CTNNA2: variants seen among roughly 807,000 people sequenced by gnomAD.
CTNNA2 encodes the protein catenin alpha-2.
Under a neutral mutation model 101.0 loss-of-function variants are expected in CTNNA2, and 42 were observed. The ratio of observed to expected loss-of-function variants is 0.42; its 90% CI spans 0.32 to 0.54. The LOEUF (loss-of-function observed/expected upper bound fraction) is 0.54. CTNNA2 is among the 20% of genes least tolerant of loss of function. The pLI, the probability that CTNNA2 is intolerant of heterozygous loss-of-function variation, is 0.14. For synonymous variants in CTNNA2, 450 were observed against 456.4 expected, an observed-to-expected ratio of 0.99 and a Z score of 0.18; for missense variants, 871 against 1,223.1, an observed-to-expected ratio of 0.71 and a Z score of 4.29.
chr2:80,328,939 T>C (rs1671071201), intron 7 of CTNNA2, among the ~76,000 whole-genome samples: 1 of 152,212 alleles, frequency 6.6e-6, no homozygotes, highest in Non-Finnish European at 1.5e-5. Flanking sequence ...GGTTTCTATA[T>C]ATGTTCCATT....
intron 7 of CTNNA2, among the ~76,000 whole-genome samples, chr2:80,109,355 G>A (rs1049322338): frequency 6.6e-5 from 10 of 152,154 alleles, no homozygotes; most frequent in Admixed American, 6.5e-4. Flanking sequence ...CAGCTACTTG[G>A]GAGGCTGAGG....
chr2:79,568,625 G>GAAAGA (rs1027507819), intron 1 of CTNNA2, among the ~76,000 whole-genome samples: 2 of 151,546 alleles, frequency 1.3e-5, no homozygotes, highest in Non-Finnish European at 2.9e-5. Context: ...AAAAGAAAAG[G>GAAAGA]AAAGAAAAGA....
chr2:79,790,904 T>C lies in CTNNA2; in HGVS notation c.298+46322T>C, dbSNP rs1675220289. Among the ~76,000 whole-genome samples the C allele has an allele frequency of 3.3e-5, 5 of 152,312 alleles. No homozygotes were observed. In the South Asian group the frequency reaches 1.0e-3, roughly 32 times the overall value. Reference sequence around the variant, plus strand: ...TTTCACCTGGCTTATTCCTCAGAAGTAGAAATTATGAACCATTTTGCAGAT... The same window carrying C: ...TTTCACCTGGCTTATTCCTCAGAAGCAGAAATTATGAACCATTTTGCAGAT... On this transcript the variant is annotated intron_variant, in intron 3 of 18. Coordinates refer to ENST00000402739, the MANE Select transcript of CTNNA2 (RefSeq NM_001282597.3).
At chr2:80,610,106 A>G (rs1436840492) in intron 17 of CTNNA2, among the ~76,000 whole-genome samples, 1 of 151,682 alleles carries the variant, frequency 6.6e-6, no homozygotes, top group East Asian at 2.0e-4. Context: ...AATTATTCTG[A>G]GGCAAATGCA....
chr2:79,816,751 T>G (rs988153795), intron 3 of CTNNA2, among the ~76,000 whole-genome samples: 2 of 152,218 alleles, frequency 1.3e-5, no homozygotes, highest in Non-Finnish European at 2.9e-5. Context: ...CAGACACTAT[T>G]CTAAGTACTC....
At chr2:79,262,450 C>CATT (rs1490475572) in intron 2 of CTNNA2, among the ~76,000 whole-genome samples, 8 of 151,544 alleles carry the variant, frequency 5.3e-5, no homozygotes, top group African/African-American at 1.9e-4. Context: ...ATTTCAAATC[C>CATT]TAAAAAATAT....
intron 15 of CTNNA2, among the ~76,000 whole-genome samples, chr2:80,592,684 G>T (rs1055967608): frequency 1.3e-5 from 2 of 150,936 alleles, no homozygotes; most frequent in East Asian, 3.9e-4. Context: ...TTTATGGTTC[G>T]ATACATTTGC....
chr2:79,863,797 G>A lies in CTNNA2; in HGVS notation c.465+5618G>A, dbSNP rs115720810. On this transcript the variant is annotated intron_variant, in intron 4 of 18. Coordinates refer to ENST00000402739, the MANE Select transcript of CTNNA2 (RefSeq NM_001282597.3). ...TGGAGGGTGTGGCCTTGGGTCACTT[G>A]ATGACAAAGGAGTCACTAAGGTGCC... is the stretch of plus-strand genomic sequence containing the variant. Among the ~76,000 whole-genome samples the A allele has an allele frequency of 4.8e-3, 728 of 152,242 alleles. 8 individuals are homozygous for A. The highest frequency in any genetic ancestry group is 0.017 in the African/African-American group (696 of 41,526).
At chr2:79,297,717 T>G (rs1394445688) in intron 2 of CTNNA2, among the ~76,000 whole-genome samples, 1 of 152,196 alleles carries the variant, frequency 6.6e-6, no homozygotes, top group Admixed American at 6.5e-5. Context: ...ACTCATTGCT[T>G]TAACTCTATC....
intron 7 of CTNNA2, among the ~76,000 whole-genome samples, chr2:80,245,689 A>G (rs1318525940): frequency 6.6e-6 from 1 of 151,794 alleles, no homozygotes; most frequent in African/African-American, 2.4e-5. Flanking sequence ...CCCTATGACA[A>G]CTGTTTTCTG....
intron 1 of CTNNA2, among the ~76,000 whole-genome samples, chr2:79,633,502 C>A (rs1679826802): frequency 6.6e-6 from 1 of 152,166 alleles, no homozygotes; most frequent in African/African-American, 2.4e-5. Flanking sequence ...ACAGATTCAG[C>A]CTTAACCCAT....
intron 7 of CTNNA2, among the ~76,000 whole-genome samples, chr2:79,990,243 G>C (rs1245854839): frequency 6.6e-6 from 1 of 152,140 alleles, no homozygotes; most frequent in Admixed American, 6.5e-5. Context: ...CCGTCCTGAA[G>C]GTGAGCTGAG....
rs140917455 is a variant in CTNNA2, at chr2:80,529,304, C to A, written c.1291-15678C>A. 3.3e-5 allele frequency among the ~76,000 whole-genome samples: 5 copies of A among 152,252 alleles called. No homozygotes were observed. In the East Asian group the frequency reaches 9.7e-4, roughly 29 times the overall value. ...TCTTAGCTTTAAAACCATACAAAAA[C>A]GAGCCACTGGCTATATTTGGCCCAT... On this transcript the variant is annotated intron_variant, in intron 9 of 18. Coordinates refer to ENST00000402739, the MANE Select transcript of CTNNA2 (RefSeq NM_001282597.3).
At chr2:80,313,310 A>G in intron 7 of CTNNA2, 1 of 1,073,306 alleles carries the variant, frequency 9.3e-7, no homozygotes, top group African/African-American at 1.7e-5. Context: ...CTAATTATTT[A>G]ACATACGTGT....
At chr2:79,703,044 A>G (rs1685116395) in intron 2 of CTNNA2, among the ~76,000 whole-genome samples, 1 of 152,200 alleles carries the variant, frequency 6.6e-6, no homozygotes, top group South Asian at 2.1e-4. Flanking sequence ...AAATAAACAC[A>G]GGGAAATAGA....
intron 15 of CTNNA2, among the ~76,000 whole-genome samples, chr2:80,596,141 C>G (rs1384027616): frequency 6.6e-6 from 1 of 151,852 alleles, no homozygotes; most frequent in African/African-American, 2.4e-5. Context: ...AATGGAAGTT[C>G]ACTCATGATT....
At chr2:79,440,642 A>G (rs542188348) in intron 4 of CTNNA2, among the ~76,000 whole-genome samples, 16 of 152,260 alleles carry the variant, frequency 1.1e-4, no homozygotes, top group African/African-American at 3.9e-4. Context: ...AAGTGCCCTC[A>G]CTGTCTGAGA....
chr2:79,335,200 AG>A (rs1381006097), intron 3 of CTNNA2, among the ~76,000 whole-genome samples: 1 of 152,060 alleles, frequency 6.6e-6, no homozygotes, highest in African/African-American at 2.4e-5. Context: ...TTTTTTCTTC[AG>A]GGGCCCCCAG....
At chr2:79,284,855 C>T (rs548465525) in intron 2 of CTNNA2, among the ~76,000 whole-genome samples, 1 of 143,578 alleles carries the variant, frequency 7.0e-6, no homozygotes, top group South Asian at 2.4e-4. Context: ...CTCCTTGTAC[C>T]TCTGGTAGAA....
Sources: gnomAD v4.1 joint callset for allele counts (sites outside exome capture counted in the v4.1 genomes callset) on GRCh38, gnomAD v4.1.1 for gene constraint, MANE v1.5 for transcripts, NCBI Gene and HGNC (gene_info 2026-07-23, HGNC 2026-07-21) for gene names.